The following GABRA3 variants were observed in gnomAD, a reference collection of about 807,000 sequenced individuals.
The protein encoded by GABRA3 is gamma-aminobutyric acid receptor subunit alpha-3.
A neutral mutation model predicts 30.1 loss-of-function variants in GABRA3; 10 were observed. The ratio of observed to expected loss-of-function variants is 0.33; its 90% CI spans 0.20 to 0.56. The LOEUF (loss-of-function observed/expected upper bound fraction) is 0.56, where lower values mean the gene tolerates loss of function less well. Among genes scored for constraint, GABRA3 ranks in the 20% least tolerant of loss-of-function variants. The pLI, the probability that GABRA3 is intolerant of heterozygous loss-of-function variation, is 0.89. For missense variants in GABRA3, 233 were observed against 392.0 expected (o/e 0.59, Z 3.42); for synonymous variants, 151 against 146.8 (o/e 1.03, Z -0.21).
chrX:152,182,406 T>G (rs898770358), intron 9 of GABRA3, among the ~76,000 whole-genome samples: 7 of 93,042 alleles, frequency 7.5e-5, no homozygotes, highest in African/African-American at 2.4e-4. Context: ...CTAGTATATA[T>G]AGACACACTA....
At chrX:152,366,272 C>T (rs1002393523) in intron 1 of GABRA3, among the ~76,000 whole-genome samples, 1 of 111,889 alleles carries the variant, frequency 8.9e-6, no homozygotes, top group African/African-American at 3.2e-5. Flanking sequence ...TTGACAACTA[C>T]TCTACAGGAA....
At chrX:152,206,257 G>A (rs1398071444) in intron 7 of GABRA3, among the ~76,000 whole-genome samples, 2 of 112,935 alleles carry the variant, frequency 1.8e-5, no homozygotes, top group Non-Finnish European at 3.8e-5. Flanking sequence ...GCCACGTGAT[G>A]CTGCAGCCTC....
chrX:152,304,119 T>C (rs1308636073), intron 3 of GABRA3, among the ~76,000 whole-genome samples: 3 of 112,185 alleles, frequency 2.7e-5, no homozygotes. Flanking sequence ...TAGAGAAGTG[T>C]CCATGTTATT....
chrX:152,241,977 C>A (rs771289298), intron 5 of GABRA3, among the ~76,000 whole-genome samples: 21 of 111,859 alleles, frequency 1.9e-4, no homozygotes, highest in Non-Finnish European at 3.4e-4. Context: ...GCGTCGCTCA[C>A]GCTGGGAGCT....
intron 4 of GABRA3, among the ~76,000 whole-genome samples, chrX:152,278,353 T>C (rs765149445): frequency 1.9e-3 from 199 of 105,989 alleles, no homozygotes; most frequent in African/African-American, 6.4e-3. Flanking sequence ...AGTGAGAACA[T>C]GTGGTGTTTG....
At chrX:152,214,339 T>G (rs1213583659) in intron 6 of GABRA3, among the ~76,000 whole-genome samples, 2 of 111,595 alleles carry the variant, frequency 1.8e-5, no homozygotes, top group Non-Finnish European at 3.8e-5. Context: ...AGTCATCCAC[T>G]GATGGACATT....
intron 1 of GABRA3, among the ~76,000 whole-genome samples, chrX:152,438,714 C>T (rs1346903518): frequency 8.9e-6 from 1 of 111,822 alleles, no homozygotes; most frequent in Non-Finnish European, 1.9e-5. Context: ...GTGAAAGAAG[C>T]CAGCCTTAAA....
At chrX:152,350,231 AG>A (rs1252178952) in intron 2 of GABRA3, among the ~76,000 whole-genome samples, 1 of 102,396 alleles carries the variant, frequency 9.8e-6, no homozygotes, top group African/African-American at 3.7e-5. Flanking sequence ...AAATGAAGGC[AG>A]AAATAAAGAT....
intron 3 of GABRA3, among the ~76,000 whole-genome samples, chrX:152,291,840 C>T (rs1416004730): frequency 8.9e-6 from 1 of 111,927 alleles, no homozygotes; most frequent in Non-Finnish European, 1.9e-5. Flanking sequence ...GTTGAACCAG[C>T]CTTGCATCCC....
At chrX:152,186,477 C>G (rs1256416034) in intron 9 of GABRA3, among the ~76,000 whole-genome samples, 1 of 111,315 alleles carries the variant, frequency 9.0e-6, no homozygotes, top group African/African-American at 3.3e-5. Flanking sequence ...GTCGGGATTA[C>G]AGGTGTGAGC....
intron 3 of GABRA3, among the ~76,000 whole-genome samples, chrX:152,345,327 G>GT (rs1940374528): frequency 9.0e-6 from 1 of 111,560 alleles, no homozygotes. Flanking sequence ...TCAAACCATT[G>GT]TGAGTCATGG....
rs192038196 is a variant in GABRA3 at position 152,357,166 on chromosome X, G to A, written c.140+7265C>T. On this transcript the variant is annotated intron_variant, in intron 2 of 9. Transcript: ENST00000370314. ...ATTTTAAGTTCTTTGAGAAATCACC[G>A]AACTACTTTCCACAATGGCTGAACT... 3.6e-3 allele frequency among the ~76,000 whole-genome samples: 400 copies of A among 111,554 alleles called. 1 individual carries two copies. The highest frequency in any genetic ancestry group is 0.012 in the African/African-American group (373 of 30,720).
chrX:152,231,878 A>G (rs1938087515), intron 5 of GABRA3, among the ~76,000 whole-genome samples: 1 of 111,976 alleles, frequency 8.9e-6, no homozygotes, highest in African/African-American at 3.2e-5. Flanking sequence ...CAAATGTGTT[A>G]TGCTAAGTGA....
At chrX:152,434,980 A>G (rs1930739964) in intron 1 of GABRA3, among the ~76,000 whole-genome samples, 1 of 112,187 alleles carries the variant, frequency 8.9e-6, no homozygotes. Context: ...ATGAAGATCA[A>G]GGCAAGGAGA....
At chrX:152,255,677 T>A (rs1392626283) in intron 5 of GABRA3, 101 bp downstream of exon 5, 2 of 685,723 alleles carry the variant, frequency 2.9e-6, no homozygotes, top group African/African-American at 4.3e-5. Context: ...ATTTCTAATC[T>A]ATACACTTGA....
intron 5 of GABRA3, among the ~76,000 whole-genome samples, chrX:152,239,947 C>G (rs1272907145): frequency 1.0e-5 from 1 of 100,226 alleles, no homozygotes; most frequent in East Asian, 3.7e-4. Context: ...ACTCTTTATC[C>G]AATTTGCCAG....
intron 3 of GABRA3, among the ~76,000 whole-genome samples, chrX:152,340,785 C>T (rs1248598433): frequency 9.0e-6 from 1 of 111,570 alleles, no homozygotes; most frequent in African/African-American, 3.3e-5. Flanking sequence ...TTTCCTTTCT[C>T]TTGGTGTAAT....
Position 152,167,955 on chromosome X carries a change from C to T in GABRA3, c.*273G>A. On this transcript the variant is annotated 3_prime_UTR_variant, in exon 10 of 10. Coordinates refer to ENST00000370314, the MANE Select transcript of GABRA3 (RefSeq NM_000808.4). Reference sequence around the variant, plus strand: ...AGTGCAATAAAATACATGCAGTGCCCTCAGCTAGGGGAGATTGGCAGACTA... The same window carrying T: ...AGTGCAATAAAATACATGCAGTGCCTTCAGCTAGGGGAGATTGGCAGACTA... 1 of 369,654 alleles carries T rather than the reference C, an allele frequency of 2.7e-6. No individual in the cohort carries two copies. Among genetic ancestry groups the T allele is most frequent in the Non-Finnish European group, 4.7e-6 (1 of 212,901 alleles). The allele number at this position is 369,654 out of a possible 1,213,427, so 30.5% of individuals were successfully genotyped here. A position where few individuals can be genotyped will look rare whatever the true frequency, so the allele number is the denominator to read the frequency against.
chrX:152,343,900 G>GT (rs1333707009), intron 3 of GABRA3, among the ~76,000 whole-genome samples: 9 of 112,062 alleles, frequency 8.0e-5, no homozygotes, highest in African/African-American at 2.9e-4. Context: ...GCAATTAGTA[G>GT]TATCAGTGTA....
Sources: gnomAD v4.1 joint callset for allele counts (sites outside exome capture counted in the v4.1 genomes callset) on GRCh38, gnomAD v4.1.1 for gene constraint, MANE v1.5 for transcripts, NCBI Gene and HGNC (gene_info 2026-07-23, HGNC 2026-07-21) for gene names.